FNTB: variants seen among roughly 807,000 people sequenced by gnomAD.
The protein encoded by FNTB is farnesyltransferase, CAAX box, subunit beta.
In FNTB, 27 loss-of-function variants were observed where a neutral mutation model predicts 59.4. That is an observed-to-expected ratio of 0.45 (90% CI 0.34 to 0.63). The LOEUF is 0.63. Among genes scored for constraint, FNTB ranks in the 20% least tolerant of loss-of-function variants. The pLI is 0.02. For missense variants in FNTB, 449 were observed against 559.6 expected, an observed-to-expected ratio of 0.80 and a Z score of 1.99; for synonymous variants, 230 against 220.7, an observed-to-expected ratio of 1.04 and a Z score of -0.37.
Position 65,004,370 on chromosome 14 carries a change from TTTC to T in FNTB, c.209+63_209+65del, listed in dbSNP as rs1220583137. ...GGGAGAACACCACCATGCAGCAGCC[TTTC>T]TTCTTTCCTCCTTGAGCGAATCTAA... On this transcript the variant is annotated intron_variant, in intron 2 of 11. Coordinates refer to ENST00000246166, the MANE Select transcript of FNTB (RefSeq NM_002028.4). The T allele has an allele frequency of 3.1e-5, 48 of 1,561,054 alleles. 1 individual carries two copies. The highest frequency in any genetic ancestry group is 2.9e-4 in the African/African-American group (21 of 73,306).
chr14:65,046,117 T>C (rs955954427), intron 9 of FNTB, among the ~76,000 whole-genome samples: 4 of 152,110 alleles, frequency 2.6e-5, no homozygotes, highest in African/African-American at 7.2e-5. Flanking sequence ...GCTGGGATTA[T>C]AGGCATGCAC....
chr14:65,055,057 G>A (rs1375626457), intron 11 of FNTB, among the ~76,000 whole-genome samples: 2 of 152,250 alleles, frequency 1.3e-5, no homozygotes, highest in Admixed American at 6.5e-5. Flanking sequence ...GGCACTGGCT[G>A]TACAGCCTGC....
chr14:65,058,370 CTAA>C (rs984649522), intron 11 of FNTB, among the ~76,000 whole-genome samples: 7 of 151,716 alleles, frequency 4.6e-5, no homozygotes, highest in African/African-American at 1.7e-4. Context: ...TATAGAAATG[CTAA>C]TAATATTTAT....
chr14:65,012,119 A>G lies in FNTB; in HGVS notation c.210-198A>G. The G allele has an allele frequency of 1.7e-6, 1 of 573,816 alleles. No individual in the cohort carries two copies. 35.5% of individuals were successfully genotyped at this position (573,816 alleles called of 1,614,324 possible). On this transcript the variant is annotated intron_variant, in intron 2 of 11. Coordinates refer to ENST00000246166, the MANE Select transcript of FNTB (RefSeq NM_002028.4). This position sits in a 1 kb window ranked among gnomAD's most constrained non-coding sequence, Gnocchi z 5.0. ...AGCTGGCATGGTTTTCAGATGCTTTAGAGACATTCAGACAAGAGCTTCTTT... is the reference window on the plus strand; with the variant it reads ...AGCTGGCATGGTTTTCAGATGCTTTGGAGACATTCAGACAAGAGCTTCTTT...
chr14:64,992,499 G>T (rs967735681), intron 1 of FNTB, among the ~76,000 whole-genome samples: 3 of 152,098 alleles, frequency 2.0e-5, no homozygotes, highest in African/African-American at 7.2e-5. Flanking sequence ...GCCACTTTTT[G>T]AGTCAGCCAA....
intron 11 of FNTB, 47 bp from the exon 12 acceptor site, chr14:65,061,134 C>T (rs1375372868): frequency 6.2e-7 from 1 of 1,603,648 alleles, no homozygotes; most frequent in Non-Finnish European, 8.5e-7. Context: ...GTTATGTTTT[C>T]AAGGACCACC....
rs148951785 is a variant in FNTB, at chr14:65,014,738, C to G, written c.283-887C>G. 3.3e-5 allele frequency among the ~76,000 whole-genome samples: 5 copies of G among 152,172 alleles called. No individual in the cohort carries two copies. In the South Asian group the frequency reaches 6.2e-4, roughly 19 times the overall value. On this transcript the variant is annotated intron_variant, in intron 3 of 11. Coordinates refer to ENST00000246166, the MANE Select transcript of FNTB (RefSeq NM_002028.4). This position sits in a 1 kb window ranked among gnomAD's most constrained non-coding sequence, Gnocchi z 5.1. Reference sequence around the variant, plus strand: ...CTGAGGTGGGAGGATTGCTTGAGCCCGGGAGGTTGAGGCTGCAGTGAGCTG... The same window carrying G: ...CTGAGGTGGGAGGATTGCTTGAGCCGGGGAGGTTGAGGCTGCAGTGAGCTG...
At position 65,032,450 on chromosome 14, in the gene FNTB, C is replaced by T. The variant is rs750715721; in HGVS notation, c.606-160C>T. On this transcript the variant is annotated intron_variant, in intron 6 of 11. Transcript: ENST00000246166. This position sits in a 1 kb window ranked among gnomAD's most constrained non-coding sequence, Gnocchi z 5.0. Reference sequence around the variant, plus strand: ...ACTCTATCCAAATAGAATGTCACACCTCTCAGTTGGAGACCCAGGAGGACT... The same window carrying T: ...ACTCTATCCAAATAGAATGTCACACTTCTCAGTTGGAGACCCAGGAGGACT... 193 of 593,442 alleles carry T rather than the reference C, an allele frequency of 3.3e-4. 1 individual carries two copies. The highest frequency in any genetic ancestry group is 3.7e-4 in the Admixed American group (10 of 26,842). The allele number at this position is 593,442 out of a possible 1,614,324, so 36.8% of individuals were successfully genotyped here.
At position 65,020,488 on chromosome 14, in the gene FNTB, C is replaced by T. The variant is rs188737728; in HGVS notation, c.374+4772C>T. On this transcript the variant is annotated intron_variant, in intron 4 of 11. Coordinates refer to ENST00000246166, the MANE Select transcript of FNTB (RefSeq NM_002028.4). Reference sequence around the variant, plus strand: ...TTGCCCAGACTGGAGTGCAGTGGCACGATCTTGGCTCACTGCAACCTCCAC... The same window carrying T: ...TTGCCCAGACTGGAGTGCAGTGGCATGATCTTGGCTCACTGCAACCTCCAC... 2.2e-3 allele frequency among the ~76,000 whole-genome samples: 342 copies of T among 152,086 alleles called. 1 individual carries two copies. The highest frequency in any genetic ancestry group is 7.5e-3 in the African/African-American group (310 of 41,508).
At chr14:65,036,611 T>C (rs2062199176) in intron 7 of FNTB, among the ~76,000 whole-genome samples, 1 of 152,218 alleles carries the variant, frequency 6.6e-6, no homozygotes, top group African/African-American at 2.4e-5. Context: ...GGCAGTGCCA[T>C]TGTGATTCTT....
At chr14:65,004,984 G>A (rs1332038030) in intron 2 of FNTB, among the ~76,000 whole-genome samples, 2 of 152,126 alleles carry the variant, frequency 1.3e-5, no homozygotes, top group South Asian at 4.1e-4. Flanking sequence ...TTTTCATATT[G>A]TACTTTGAAA....
At chr14:64,996,766 C>CTTTTTTTTTTT (rs34327825) in intron 1 of FNTB, among the ~76,000 whole-genome samples, 2 of 94,464 alleles carry the variant, frequency 2.1e-5, no homozygotes, top group African/African-American at 3.9e-5. Context: ...TTGCTAACAT[C>CTTTTTTTTTTT]TTTTTTTTTT....
At chr14:65,038,548 T>A (rs2062267839) in intron 7 of FNTB, among the ~76,000 whole-genome samples, 1 of 151,400 alleles carries the variant, frequency 6.6e-6, no homozygotes, top group African/African-American at 2.4e-5. Flanking sequence ...TGAAACCCTG[T>A]CTTTACTAAA....
intron 11 of FNTB, among the ~76,000 whole-genome samples, chr14:65,058,825 G>C (rs1382573333): frequency 6.6e-6 from 1 of 152,126 alleles, no homozygotes; most frequent in Non-Finnish European, 1.5e-5. Flanking sequence ...CTGTGTCTGT[G>C]TGTTTTGTTC....
At position 65,027,761 on chromosome 14, in the gene FNTB, C is replaced by T. The variant is rs375091250; in HGVS notation, c.585C>T (p.Val195=). The part of the protein sequence containing the change: ...KQPDGSFLMH[V]GGEVDVRSAY... ...CTGACGGCTCCTTTCTCATGCATGT[C>T]GGAGGTGAGGTGGATGTGAGGTGAG... The change falls in exon 6 of 12, where the codon GTC becomes GTT. Residue 195 remains valine, a synonymous_variant. Coordinates refer to ENST00000246166, the MANE Select transcript of FNTB (RefSeq NM_002028.4). The surrounding 1 kb of genome is among the most constrained non-coding windows in gnomAD (Gnocchi z 5.7). 2.5e-5 allele frequency: 41 copies of T among 1,613,950 alleles called. No homozygotes were observed. The highest frequency in any genetic ancestry group is 3.3e-5 in the Admixed American group (2 of 59,976).
At chr14:65,025,732 T>A (rs552168183) in intron 4 of FNTB, among the ~76,000 whole-genome samples, 2 of 152,258 alleles carry the variant, frequency 1.3e-5, no homozygotes, top group South Asian at 4.2e-4. Context: ...GGAGGATAGC[T>A]TGAGTCTGGG....
rs2062027763 is a variant in FNTB at position 65,028,751 on chromosome 14, C to T, written c.605+970C>T. On this transcript the variant is annotated intron_variant, in intron 6 of 11. Coordinates refer to ENST00000246166, the MANE Select transcript of FNTB (RefSeq NM_002028.4). The surrounding 1 kb of genome is among the most constrained non-coding windows in gnomAD (Gnocchi z 4.4). Reference sequence around the variant, plus strand: ...TTAGGATCTGTGTATACCAGTGAAACCAGTAGAACGACTGAGGTAAATCAG... The same window carrying T: ...TTAGGATCTGTGTATACCAGTGAAATCAGTAGAACGACTGAGGTAAATCAG... 1.3e-5 allele frequency among the ~76,000 whole-genome samples: 2 copies of T among 152,182 alleles called. No homozygotes were observed. Among genetic ancestry groups the T allele is most frequent in the Admixed American group, 1.3e-4 (2 of 15,274 alleles).
intron 9 of FNTB, among the ~76,000 whole-genome samples, chr14:65,052,350 G>T (rs563074086): frequency 6.6e-6 from 1 of 152,282 alleles, no homozygotes; most frequent in South Asian, 2.1e-4. Flanking sequence ...TTAGCTTTCA[G>T]GTGCCATTTA....
At position 65,001,370 on chromosome 14, in the gene FNTB, G is replaced by A. The variant is rs1394183486; in HGVS notation, c.145-2879G>A. On this transcript the variant is annotated intron_variant, in intron 1 of 11. Transcript: ENST00000246166. The surrounding 1 kb of genome is among the most constrained non-coding windows in gnomAD (Gnocchi z 5.5). ...ACAGTATTCAGTACAGTAATATGCT[G>A]TACAGGTCTGTGGCCCAGGAGCAGT... 6.6e-6 allele frequency among the ~76,000 whole-genome samples: 1 copy of A among 152,118 alleles called. No individual in the cohort carries two copies. Among genetic ancestry groups the A allele is most frequent in the Non-Finnish European group, 1.5e-5 (1 of 68,028 alleles).
Sources: allele counts gnomAD v4.1 joint callset (sites outside exome capture counted in the v4.1 genomes callset), GRCh38; gene constraint gnomAD v4.1.1; non-coding constraint Gnocchi (gnomAD v3.1); transcripts MANE v1.5; gene names NCBI Gene and HGNC (gene_info 2026-07-23, HGNC 2026-07-21).